The following CNTNAP5 variants were observed in gnomAD, a reference collection of about 807,000 sequenced individuals.
CNTNAP5 encodes contactin-associated protein-like 5.
A neutral mutation model predicts 150.2 loss-of-function variants in CNTNAP5; 72 were observed. The observed-to-expected ratio is 0.48, with a 90% CI of 0.40 to 0.58. The LOEUF (loss-of-function observed/expected upper bound fraction) is 0.58. Among genes scored for constraint, CNTNAP5 ranks in the 20% least tolerant of loss-of-function variants. The pLI, the probability that CNTNAP5 is intolerant of heterozygous loss-of-function variation, is 0.00. For missense variants in CNTNAP5, 1,636 were observed against 1,626.2 expected, an observed-to-expected ratio of 1.01 and a Z score of -0.10; for synonymous variants, 672 against 619.8, an observed-to-expected ratio of 1.08 and a Z score of -1.25.
intron 19 of CNTNAP5, among the ~76,000 whole-genome samples, chr2:124,843,708 G>A (rs185946840): frequency 1.3e-5 from 2 of 152,184 alleles, no homozygotes; most frequent in Admixed American, 6.5e-5. Flanking sequence ...TATTGCAGGA[G>A]TGAGGTGATA....
intron 1 of CNTNAP5, among the ~76,000 whole-genome samples, chr2:124,160,542 T>G (rs1329473463): frequency 2.7e-5 from 4 of 150,470 alleles, no homozygotes; most frequent in Non-Finnish European, 3.0e-5. Flanking sequence ...TTTTTAAAGT[T>G]AAGAGCAATA....
intron 6 of CNTNAP5, among the ~76,000 whole-genome samples, chr2:124,449,996 AG>A (rs1692925528): frequency 1.3e-5 from 2 of 152,122 alleles, no homozygotes; most frequent in Non-Finnish European, 2.9e-5. Flanking sequence ...GTCATCCAGA[AG>A]CAAGATCCAG....
In CNTNAP5 at chr2:124,713,345, T is replaced by C. The variant is rs957749029; in HGVS notation, c.2078-33884T>C. ...TTTCTTTCTTTCTTTCTTTCTTTCT[T>C]TCTTTCTTTCTTTCTTTCTTTCTTT... On this transcript the variant is annotated intron_variant, in intron 13 of 23. Coordinates refer to ENST00000682447, the MANE Select transcript of CNTNAP5 (RefSeq NM_001367498.1). 9.0e-4 allele frequency among the ~76,000 whole-genome samples: 116 copies of C among 128,466 alleles called. 4 individuals are homozygous for C. The highest frequency in any genetic ancestry group is 1.2e-3 in the Admixed American group (14 of 12,150). 84.3% of individuals were successfully genotyped at this position (128,466 alleles called of 152,430 possible).
intron 7 of CNTNAP5, among the ~76,000 whole-genome samples, chr2:124,484,010 C>A (rs896885297): frequency 6.6e-6 from 1 of 152,182 alleles, no homozygotes; most frequent in African/African-American, 2.4e-5. Context: ...TTCTGGTTTC[C>A]CATTTGGCTT....
At chr2:124,056,734 T>G (rs536294340) in intron 1 of CNTNAP5, among the ~76,000 whole-genome samples, 143 of 152,296 alleles carry the variant, frequency 9.4e-4, no homozygotes, top group Non-Finnish European at 1.7e-3. Flanking sequence ...AGTGATAACA[T>G]ACATGGAGCA....
chr2:124,031,986 T>C (rs943634910), intron 1 of CNTNAP5, among the ~76,000 whole-genome samples: 1 of 152,206 alleles, frequency 6.6e-6, no homozygotes, highest in African/African-American at 2.4e-5. Flanking sequence ...GAAAACATTA[T>C]TTTAGAACTA....
At chr2:124,459,822 G>C (rs1693206954) in intron 6 of CNTNAP5, among the ~76,000 whole-genome samples, 1 of 150,128 alleles carries the variant, frequency 6.7e-6, no homozygotes, top group Non-Finnish European at 1.5e-5. Context: ...AGCCCATGTT[G>C]TGGTCATCTA....
At chr2:124,108,619 G>A (rs552965070) in intron 1 of CNTNAP5, among the ~76,000 whole-genome samples, 1 of 152,150 alleles carries the variant, frequency 6.6e-6, no homozygotes, top group Non-Finnish European at 1.5e-5. Flanking sequence ...GTGCACATTA[G>A]AAGTATATGG....
chr2:124,899,775 C>G (rs1192727453), intron 21 of CNTNAP5, among the ~76,000 whole-genome samples: 1 of 151,212 alleles, frequency 6.6e-6, no homozygotes, highest in Non-Finnish European at 1.5e-5. Context: ...AAACAGTCCC[C>G]TTATCTAACT....
chr2:124,744,800 G>A (rs1006602599), intron 13 of CNTNAP5, among the ~76,000 whole-genome samples: 13 of 152,078 alleles, frequency 8.5e-5, no homozygotes, highest in Admixed American at 3.9e-4. Flanking sequence ...GACTTGAGGC[G>A]AGTCAAACCC....
intron 21 of CNTNAP5, among the ~76,000 whole-genome samples, chr2:124,874,206 T>C (rs1031503063): frequency 1.3e-5 from 2 of 152,122 alleles, no homozygotes; most frequent in East Asian, 3.9e-4. Context: ...TACTGACATT[T>C]CTTAACTTTC....
At chr2:124,526,783 G>A (rs1426592286) in intron 9 of CNTNAP5, among the ~76,000 whole-genome samples, 3 of 152,100 alleles carry the variant, frequency 2.0e-5, no homozygotes, top group Non-Finnish European at 1.5e-5. Flanking sequence ...GCTCCTGTGT[G>A]TACCTTTCTC....
intron 3 of CNTNAP5, among the ~76,000 whole-genome samples, chr2:124,350,600 A>G (rs975493279): frequency 2.0e-5 from 3 of 151,756 alleles, no homozygotes; most frequent in South Asian, 2.1e-4. Flanking sequence ...AAGCTTCAAT[A>G]TCTGAAGTTT....
chr2:124,592,660 C>T (rs1696721279), intron 11 of CNTNAP5, among the ~76,000 whole-genome samples: 1 of 152,002 alleles, frequency 6.6e-6, no homozygotes, highest in African/African-American at 2.4e-5. Context: ...GGCCTTTCCC[C>T]TATAATATAA....
At chr2:124,609,643 C>T (rs1677336163) in intron 11 of CNTNAP5, among the ~76,000 whole-genome samples, 158 bp from the exon 12 acceptor site, 1 of 151,990 alleles carries the variant, frequency 6.6e-6, no homozygotes, top group African/African-American at 2.4e-5. Flanking sequence ...AGTATCAAGC[C>T]ACTGGTACTG....
intron 13 of CNTNAP5, among the ~76,000 whole-genome samples, chr2:124,696,754 C>T (rs1558739153): frequency 1.3e-5 from 2 of 152,260 alleles, no homozygotes; most frequent in Middle Eastern, 3.4e-3. Flanking sequence ...AATTCTCAAA[C>T]GTATGCCCAG....
intron 20 of CNTNAP5, among the ~76,000 whole-genome samples, chr2:124,867,595 C>T (rs1677659422): frequency 6.6e-6 from 1 of 152,158 alleles, no homozygotes; most frequent in African/African-American, 2.4e-5. Flanking sequence ...GATCCTTCTG[C>T]CTGTGTTAGT....
chr2:124,765,912 C>CACT (rs1681058629), intron 16 of CNTNAP5, among the ~76,000 whole-genome samples: 1 of 151,782 alleles, frequency 6.6e-6, no homozygotes, highest in Admixed American at 6.6e-5. Context: ...GCCAAGATTG[C>CACT]ACTACTGCAC....
chr2:124,294,077 G>C (rs761903264), intron 3 of CNTNAP5, among the ~76,000 whole-genome samples: 2 of 148,734 alleles, frequency 1.3e-5, no homozygotes, highest in African/African-American at 2.5e-5. Flanking sequence ...GAGGCTGGGT[G>C]TCTTGTATTA....
Sources: gnomAD v4.1 joint callset for allele counts (sites outside exome capture counted in the v4.1 genomes callset) on GRCh38, gnomAD v4.1.1 for gene constraint, MANE v1.5 for transcripts, NCBI Gene and HGNC (gene_info 2026-07-23, HGNC 2026-07-21) for gene names.